ZFHX3: variants seen among roughly 807,000 people sequenced by gnomAD.
ZFHX3 encodes zinc finger homeobox 3, also known as zinc finger homeobox protein 3.
Under a neutral mutation model 279.1 loss-of-function variants are expected in ZFHX3, and 42 were observed. The observed-to-expected ratio is 0.15, with a 90% CI of 0.12 to 0.19. ZFHX3 has a LOEUF of 0.19. Among genes scored for constraint, ZFHX3 ranks in the 10% least tolerant of loss-of-function variants. The pLI is 1.00. For synonymous variants in ZFHX3, 2,293 were observed against 1,957.8 expected, an observed-to-expected ratio of 1.17 and a Z score of -4.52; for missense variants, 4,981 against 4,754.0, an observed-to-expected ratio of 1.05 and a Z score of -1.40.
At chr16:73,417,791 T>C (rs1462014245) in intron 3 of ZFHX3, among the ~76,000 whole-genome samples, 1 of 150,666 alleles carries the variant, frequency 6.6e-6, no homozygotes, top group Non-Finnish European at 1.5e-5. Context: ...GCTAACACAG[T>C]GAAACCCCGT....
chr16:73,447,116 G>C (rs2018200658), intron 3 of ZFHX3, among the ~76,000 whole-genome samples: 1 of 150,728 alleles, frequency 6.6e-6, no homozygotes. Flanking sequence ...GGGATGCGGA[G>C]CTTGCAGTCA....
At chr16:73,146,976 G>A (rs1395073163) in intron 5 of ZFHX3, among the ~76,000 whole-genome samples, 2 of 152,158 alleles carry the variant, frequency 1.3e-5, no homozygotes, top group Non-Finnish European at 2.9e-5. Flanking sequence ...TAGTTCTTAA[G>A]CCTCTTATTA....
At chr16:73,367,676 G>C (rs1377810635) in intron 3 of ZFHX3, among the ~76,000 whole-genome samples, 1 of 152,152 alleles carries the variant, frequency 6.6e-6, no homozygotes, top group Non-Finnish European at 1.5e-5. Context: ...CCTTGGGCTT[G>C]AATACCTCTA....
chr16:73,235,604 G>T (rs1395109340), intron 5 of ZFHX3, among the ~76,000 whole-genome samples: 1 of 152,158 alleles, frequency 6.6e-6, no homozygotes, highest in Non-Finnish European at 1.5e-5. Flanking sequence ...TAAAAGTTGT[G>T]CCATGTGTTG....
intron 5 of ZFHX3, among the ~76,000 whole-genome samples, chr16:73,217,726 G>T (rs1299646859): frequency 5.3e-5 from 8 of 152,060 alleles, no homozygotes; most frequent in Non-Finnish European, 8.8e-5. Flanking sequence ...ATTAAAGGTT[G>T]TTTCTCTCAC....
chr16:73,128,941 T>C (rs1019556967), intron 7 of ZFHX3, among the ~76,000 whole-genome samples: 7 of 152,172 alleles, frequency 4.6e-5, no homozygotes, highest in African/African-American at 1.2e-4. Flanking sequence ...GTTTTATCAA[T>C]TGAACCCCAA....
At chr16:72,800,259 C>T in intron 7 of ZFHX3, 130 bp from the exon 8 acceptor site, 1 of 690,326 alleles carries the variant, frequency 1.4e-6, no homozygotes, top group Non-Finnish European at 2.5e-6. Context: ...CTTTTCATAG[C>T]TCACTGAAGA....
chr16:73,763,846 G>A (rs1156237697), intron 1 of ZFHX3, among the ~76,000 whole-genome samples: 1 of 150,146 alleles, frequency 6.7e-6, no homozygotes, highest in Non-Finnish European at 1.5e-5. Context: ...CCTCTCCCTT[G>A]CTGGCTTCGA....
intron 5 of ZFHX3, among the ~76,000 whole-genome samples, chr16:73,180,522 A>T (rs1967767128): frequency 6.6e-6 from 1 of 152,136 alleles, no homozygotes; most frequent in Non-Finnish European, 1.5e-5. Flanking sequence ...CAAGAATTGC[A>T]TGTGTAGCCA....
At chr16:73,444,140 A>C (rs2018141907) in intron 3 of ZFHX3, among the ~76,000 whole-genome samples, 2 of 152,170 alleles carry the variant, frequency 1.3e-5, no homozygotes, top group Non-Finnish European at 2.9e-5. Context: ...GCTTTTCCTC[A>C]ATAAAATATT....
At chr16:73,207,742 G>A (rs1425128956) in intron 5 of ZFHX3, among the ~76,000 whole-genome samples, 1 of 152,188 alleles carries the variant, frequency 6.6e-6, no homozygotes, top group Non-Finnish European at 1.5e-5. Context: ...TGGGAAAAGA[G>A]AAGGTGAGGG....
At chr16:72,928,483 C>T (rs761025621) in intron 3 of ZFHX3, among the ~76,000 whole-genome samples, 26 of 151,990 alleles carry the variant, frequency 1.7e-4, no homozygotes, top group Admixed American at 3.3e-4. Flanking sequence ...TGGCAGCACC[C>T]GGCTCACCAA....
chr16:73,761,362 C>T (rs976835753), intron 1 of ZFHX3, among the ~76,000 whole-genome samples: 2 of 152,158 alleles, frequency 1.3e-5, no homozygotes, highest in Non-Finnish European at 2.9e-5. Flanking sequence ...ATTCCATGCT[C>T]ATGGATAGGA....
At chr16:73,321,827 A>G (rs2015580349) in intron 3 of ZFHX3, among the ~76,000 whole-genome samples, 1 of 150,126 alleles carries the variant, frequency 6.7e-6, no homozygotes, top group Admixed American at 6.7e-5. Context: ...TAAGCATGGT[A>G]AATTGTATGT....
chr16:72,854,938 T>TGG (rs373623618), intron 4 of ZFHX3, among the ~76,000 whole-genome samples: 4,009 of 73,774 alleles, frequency 0.054, 213 homozygotes, highest in Admixed American at 0.18. Flanking sequence ...AATTGGTGGG[T>TGG]GGGGGGGGGG....
chr16:73,412,731 C>T (rs1227512020), intron 3 of ZFHX3, among the ~76,000 whole-genome samples: 8 of 152,162 alleles, frequency 5.3e-5, no homozygotes, highest in Admixed American at 5.2e-4. Context: ...ATGCGTGATA[C>T]TGTTTCTGGG....
intron 5 of ZFHX3, among the ~76,000 whole-genome samples, chr16:73,172,538 C>T (rs1967553571): frequency 6.6e-6 from 1 of 152,192 alleles, no homozygotes. Context: ...CTCTTCAGGC[C>T]TTTATTGATG....
At chr16:73,529,902 T>C (rs918829800) in intron 2 of ZFHX3, among the ~76,000 whole-genome samples, 2 of 150,316 alleles carry the variant, frequency 1.3e-5, no homozygotes, top group Non-Finnish European at 2.9e-5. Flanking sequence ...ATTCCCCACA[T>C]GTGCAAAATT....
At position 72,795,015 on chromosome 16, in the gene ZFHX3, G is replaced by A. The variant is rs147043604; in HGVS notation, c.7667C>T (p.Ala2556Val). 90 of 1,614,144 alleles carry A rather than the reference G, an allele frequency of 5.6e-5. No homozygotes were observed. Among genetic ancestry groups the A allele is most frequent in the African/African-American group, 2.8e-4 (21 of 75,018 alleles). The change falls in exon 9 of 10, where the codon GCG (alanine) becomes GTG (valine). Residue 2556 changes from alanine (A) to valine (V), a missense_variant. Around this residue, in one of 7 missense-constraint regions of ZFHX3, gnomAD observed 744 missense variants for 701.3 expected, o/e 1.06. Coordinates refer to ENST00000268489, the MANE Select transcript of ZFHX3 (RefSeq NM_006885.4). ...CTGGGGGTGGATGAACTGGTTCTGCGCGCTCAGGAAGTGGAGCTGCTGATG... is the reference window on the plus strand; with the variant it reads ...CTGGGGGTGGATGAACTGGTTCTGCACGCTCAGGAAGTGGAGCTGCTGATG... ...QEHQQLHFLSAQNQFIHPQFL... is the reference protein window; with the variant it reads ...QEHQQLHFLSVQNQFIHPQFL...
Sources: gnomAD v4.1 joint callset for allele counts (sites outside exome capture counted in the v4.1 genomes callset) on GRCh38, gnomAD v4.1.1 for gene constraint, gnomAD v4.1.1 regional missense constraint, MANE v1.5 for transcripts, NCBI Gene and HGNC (gene_info 2026-07-23, HGNC 2026-07-21) for gene names.